Variants in PRKD1 observed in about 807,000 individuals in gnomAD.
PRKD1 encodes the protein serine/threonine-protein kinase D1.
A neutral mutation model predicts 95.9 loss-of-function variants in PRKD1; 63 were observed. The observed-to-expected ratio is 0.66, with a 90% CI of 0.54 to 0.81. The LOEUF is 0.81. Ranked by LOEUF, PRKD1 falls within the 30% of genes least tolerant of loss-of-function variation. The pLI is 0.00. For synonymous variants in PRKD1, 425 were observed against 423.1 expected, an observed-to-expected ratio of 1.00 and a Z score of -0.05; for missense variants, 1,048 against 1,165.3, an observed-to-expected ratio of 0.90 and a Z score of 1.47.
intron 1 of PRKD1, among the ~76,000 whole-genome samples, chr14:29,871,426 C>T (rs954499937): frequency 6.6e-6 from 1 of 152,066 alleles, no homozygotes; most frequent in Non-Finnish European, 1.5e-5. Flanking sequence ...ACTTTATTGC[C>T]AAAATGAGAG....
At chr14:29,792,732 T>C (rs894296831) in intron 1 of PRKD1, among the ~76,000 whole-genome samples, 21 of 152,102 alleles carry the variant, frequency 1.4e-4, no homozygotes, top group Admixed American at 7.2e-4. Context: ...TCATTGTCTA[T>C]ATGGAAACTT....
chr14:29,757,204 A>C (rs973941924), intron 1 of PRKD1, among the ~76,000 whole-genome samples: 3 of 152,146 alleles, frequency 2.0e-5, no homozygotes, highest in Admixed American at 2.0e-4. Context: ...AGCTATTATC[A>C]CCATTCTCAG....
At chr14:29,851,519 C>T (rs1227153881) in intron 1 of PRKD1, among the ~76,000 whole-genome samples, 1 of 151,980 alleles carries the variant, frequency 6.6e-6, no homozygotes, top group African/African-American at 2.4e-5. Flanking sequence ...AATCAAAAAC[C>T]ACAATGAGAT....
At chr14:29,754,773 C>T (rs911550606) in intron 1 of PRKD1, among the ~76,000 whole-genome samples, 1 of 151,996 alleles carries the variant, frequency 6.6e-6, no homozygotes, top group African/African-American at 2.4e-5. Context: ...AATACCTCTG[C>T]CTTTCCCTTC....
intron 1 of PRKD1, among the ~76,000 whole-genome samples, chr14:29,915,408 T>C (rs934048078): frequency 6.6e-6 from 1 of 152,218 alleles, no homozygotes; most frequent in Non-Finnish European, 1.5e-5. Flanking sequence ...AGACGTACTA[T>C]AGATCATATG....
chr14:29,913,236 C>T (rs1423483857), intron 1 of PRKD1, among the ~76,000 whole-genome samples: 1 of 152,166 alleles, frequency 6.6e-6, no homozygotes, highest in East Asian at 1.9e-4. Context: ...GGTTAATATA[C>T]ATGATTTGAT....
chr14:29,753,120 A>T (rs1243279014), intron 1 of PRKD1, among the ~76,000 whole-genome samples: 1 of 152,202 alleles, frequency 6.6e-6, no homozygotes, highest in Non-Finnish European at 1.5e-5. Flanking sequence ...AAAAATTGAG[A>T]GAACCAAGAA....
chr14:29,676,023 A>C lies in PRKD1; in HGVS notation c.404-9815T>G, dbSNP rs1270239336. 7.3e-5 allele frequency among the ~76,000 whole-genome samples: 11 copies of C among 151,410 alleles called. No homozygotes were observed. In the East Asian group the frequency reaches 2.2e-3, roughly 30 times the overall value. On this transcript the variant is annotated intron_variant, in intron 2 of 17. Transcript: ENST00000331968. ...AGGGATAACATTAGGAGATATACCT[A>C]ATGTAAATGACGCGTTAATGGGTGC...
chr14:29,738,062 AACCAC>A (rs1045064465), intron 1 of PRKD1, among the ~76,000 whole-genome samples: 2 of 152,202 alleles, frequency 1.3e-5, no homozygotes, highest in African/African-American at 4.8e-5. Flanking sequence ...TCCATTTAGA[AACCAC>A]ATTATAAAGT....
At chr14:29,830,585 C>T (rs745567891) in intron 1 of PRKD1, among the ~76,000 whole-genome samples, 16 of 151,838 alleles carry the variant, frequency 1.1e-4, no homozygotes, top group Non-Finnish European at 2.1e-4. Flanking sequence ...TAGACAAAGT[C>T]TATCTTTTAA....
At chr14:29,652,298 C>T (rs2139180053) in intron 4 of PRKD1, among the ~76,000 whole-genome samples, 1 of 152,220 alleles carries the variant, frequency 6.6e-6, no homozygotes, top group Middle Eastern at 3.4e-3. Flanking sequence ...GTTTTTAAGA[C>T]CTATATATTA....
At chr14:29,855,454 G>A (rs1892462489) in intron 1 of PRKD1, among the ~76,000 whole-genome samples, 2 of 152,182 alleles carry the variant, frequency 1.3e-5, no homozygotes, top group African/African-American at 4.8e-5. Context: ...CCATGTGGAA[G>A]AGCTGTATTT....
intron 12 of PRKD1, among the ~76,000 whole-genome samples, chr14:29,624,913 C>T (rs1202653993): frequency 1.3e-5 from 2 of 152,068 alleles, no homozygotes; most frequent in African/African-American, 4.8e-5. Context: ...CTACGGAGCA[C>T]CCCCAAGTTC....
intron 16 of PRKD1, among the ~76,000 whole-genome samples, chr14:29,583,691 T>TC (rs1892822032): frequency 6.6e-6 from 1 of 151,854 alleles, no homozygotes; most frequent in African/African-American, 2.4e-5. Flanking sequence ...GTCTTTTTTT[T>TC]CTCTTCTTAT....
intron 1 of PRKD1, among the ~76,000 whole-genome samples, chr14:29,810,219 A>T (rs1196388333): frequency 6.6e-6 from 1 of 152,228 alleles, no homozygotes; most frequent in Non-Finnish European, 1.5e-5. Flanking sequence ...AATTACCAAA[A>T]CATGACACAG....
intron 1 of PRKD1, among the ~76,000 whole-genome samples, chr14:29,805,452 G>C (rs1890195057): frequency 6.6e-6 from 1 of 152,298 alleles, no homozygotes; most frequent in African/African-American, 2.4e-5. Flanking sequence ...ATATCAATAG[G>C]TGTTGCCAGA....
chr14:29,591,542 G>A (rs376848926), intron 16 of PRKD1, among the ~76,000 whole-genome samples: 2 of 152,056 alleles, frequency 1.3e-5, no homozygotes, highest in African/African-American at 4.8e-5. Context: ...GTAGAGCCTG[G>A]GAACTTCCAT....
intron 13 of PRKD1, among the ~76,000 whole-genome samples, chr14:29,604,195 A>G (rs1893624392): frequency 6.6e-6 from 1 of 152,212 alleles, no homozygotes; most frequent in Non-Finnish European, 1.5e-5. Flanking sequence ...ATTCTTTAAT[A>G]TTGGTATCTA....
chr14:29,680,238 C>G (rs1381300777), intron 2 of PRKD1, among the ~76,000 whole-genome samples: 1 of 151,994 alleles, frequency 6.6e-6, no homozygotes, highest in African/African-American at 2.4e-5. Flanking sequence ...AAATAATAAC[C>G]CCCATTGTAC....
Sources: allele counts gnomAD v4.1 joint callset (sites outside exome capture counted in the v4.1 genomes callset), GRCh38; gene constraint gnomAD v4.1.1; transcripts MANE v1.5; gene names NCBI Gene and HGNC (gene_info 2026-07-23, HGNC 2026-07-21).